FTSJ3: variants seen among roughly 807,000 people sequenced by gnomAD.
The protein encoded by FTSJ3 is pre-rRNA 2'-O-ribose RNA methyltransferase FTSJ3.
A neutral mutation model predicts 111.5 loss-of-function variants in FTSJ3; 46 were observed. That is an observed-to-expected ratio of 0.41 (90% CI 0.33 to 0.53). The LOEUF (loss-of-function observed/expected upper bound fraction) is 0.53, where lower values mean the gene tolerates loss of function less well. Ranked by LOEUF, FTSJ3 falls within the 20% of genes least tolerant of loss-of-function variation. The probability of loss-of-function intolerance (pLI) is 0.19; values close to 1 mark genes in which losing one functional copy is unlikely to be tolerated. For synonymous variants in FTSJ3, 408 were observed against 383.0 expected (o/e 1.07, Z -0.76); for missense variants, 1,075 against 1,063.8 (o/e 1.01, Z -0.15).
chr17:63,827,622 G>A lies in FTSJ3; in HGVS notation c.-597C>T. ...CAGGAGCGTCGGGTGGGTCGGAGGT[G>A]CCTGGACCAGTCCATGCTGGACGCT... On this transcript the variant is annotated 5_prime_UTR_variant, in exon 1 of 21. Transcript: ENST00000427159. 3 of 1,546,082 alleles carry A rather than the reference G, an allele frequency of 1.9e-6. No individual in the cohort carries two copies. The highest frequency in any genetic ancestry group is 2.6e-6 in the Non-Finnish European group (3 of 1,144,596).
chr17:63,823,961 G>A lies in FTSJ3; in HGVS notation c.1155-9C>T. 1 of 1,614,158 alleles carries A rather than the reference G, an allele frequency of 6.2e-7. No homozygotes were observed. The highest frequency in any genetic ancestry group is 2.2e-5 in the East Asian group (1 of 44,886). On this transcript the variant is annotated splice_polypyrimidine_tract_variant and intron_variant, in intron 12 of 20. Transcript: ENST00000427159. ...ACAGCTTCTTTTTCTTCCTGAGGGGGTGGATTGAGGGAGTAAAACCGGCCC... is the reference window on the plus strand; with the variant it reads ...ACAGCTTCTTTTTCTTCCTGAGGGGATGGATTGAGGGAGTAAAACCGGCCC...
In FTSJ3 at chr17:63,827,506, C is replaced by G. The variant is rs926239770; in HGVS notation, c.-481G>C. 6 of 1,551,642 alleles carry G rather than the reference C, an allele frequency of 3.9e-6. No homozygotes were observed. The African/African-American group carries it at 6.8e-5, about 18-fold the overall frequency. On this transcript the variant is annotated 5_prime_UTR_variant, in exon 1 of 21. Coordinates refer to ENST00000427159, the MANE Select transcript of FTSJ3 (RefSeq NM_017647.4). ...AAGAGAGAAGATGGCGCTTGACGGA[C>G]CAGAGCAGGTATGGCGGGTGCAGTG...
At position 63,826,842 on chromosome 17, in the gene FTSJ3, C is replaced by A; in HGVS notation, c.61G>T (p.Glu21Ter). ...RRDKFYHLAKETGYRSRSAFK... is the reference protein window; with the variant it reads ...RRDKFYHLAK ...TGAGCGAATCCGGACTCACCCGTCT[C>A]CTTCGCCAAGTGATAAAACTTGTCT... is the stretch of plus-strand genomic sequence containing the variant. Residue 21 changes from glutamate to a stop codon, truncating the protein, a stop_gained, in exon 2 of 21, where the codon GAG becomes TAG. Transcript: ENST00000427159. LOFTEE classifies it high-confidence loss of function. 6.2e-7 allele frequency: 1 copy of A among 1,614,132 alleles called. No homozygotes were observed. The highest frequency in any genetic ancestry group is 1.1e-5 in the South Asian group (1 of 91,086).
At chr17:63,822,501 C>T (rs1416928901) in intron 13 of FTSJ3, among the ~76,000 whole-genome samples, 1 of 152,158 alleles carries the variant, frequency 6.6e-6, no homozygotes, top group Non-Finnish European at 1.5e-5. Context: ...TCTCAGACAG[C>T]ATCTCAATCA....
rs779716903 is a variant in FTSJ3, at chr17:63,820,868, C to T, written c.2043G>A (p.Lys681=). 6.2e-7 allele frequency: 1 copy of T among 1,614,064 alleles called. No individual in the cohort carries two copies. Among genetic ancestry groups the T allele is most frequent in the Non-Finnish European group, 8.5e-7 (1 of 1,179,928 alleles). ...GAVIASSKKA[K]RDLIDNSFNR... is the part of the protein sequence containing the mutation. Reference sequence around the variant, plus strand: ...TGAAGGAGTTATCTATGAGGTCTCTCTTGGCCTTTTTGGAAGAGGCAATAA... The same window carrying T: ...TGAAGGAGTTATCTATGAGGTCTCTTTTGGCCTTTTTGGAAGAGGCAATAA... The change falls in exon 18 of 21, where the codon AAG becomes AAA. Residue 681 remains lysine, a synonymous_variant. Transcript: ENST00000427159.
chr17:63,825,531 T>C lies in FTSJ3; in HGVS notation c.400+5A>G. 4 of 1,613,754 alleles carry C rather than the reference T, an allele frequency of 2.5e-6. No individual in the cohort carries two copies. The highest frequency in any genetic ancestry group is 3.4e-6 in the Non-Finnish European group (4 of 1,179,620). On this transcript the variant is annotated splice_donor_5th_base_variant and intron_variant, in intron 6 of 20. Transcript: ENST00000427159. ...CCTGATCTCCAAGCACCACACTCCC[T>C]GTACCTTGTGAGTAAGCATCATGGA...
At chr17:63,824,509 A>G (rs2040079829) in intron 10 of FTSJ3, 98 bp from the exon 11 acceptor site, 12 of 1,481,088 alleles carry the variant, frequency 8.1e-6, no homozygotes, top group South Asian at 7.9e-5. Context: ...CTTCGGCTAC[A>G]TAAATCAAAA....
At position 63,820,881 on chromosome 17, in the gene FTSJ3, G is replaced by A; in HGVS notation, c.2030C>T (p.Ser677Phe). Residue 677 changes from serine (S) to phenylalanine (F), a missense_variant, in exon 18 of 21, where the codon TCC (serine) becomes TTC (phenylalanine). By Grantham distance (155) the Ser-to-Phe change is radical (BLOSUM62 -2). Transcript: ENST00000427159. ...GLALGAVIAS[S>F]KKAKRDLIDN... The stretch of plus-strand genomic sequence containing the variant: ...TATGAGGTCTCTCTTGGCCTTTTTG[G>A]AAGAGGCAATAACAGCACCTAGAGC... 1.2e-6 allele frequency: 2 copies of A among 1,614,100 alleles called. No homozygotes were observed. Among genetic ancestry groups the A allele is most frequent in the Non-Finnish European group, 1.7e-6 (2 of 1,179,986 alleles).
intron 16 of FTSJ3, 50 bp from the exon 17 acceptor site, chr17:63,821,165 G>C (rs750892234): frequency 6.3e-7 from 1 of 1,592,870 alleles, no homozygotes; most frequent in Non-Finnish European, 8.6e-7. Flanking sequence ...GTACTACTCA[G>C]ACCGCACTCC....
chr17:63,827,093 G>A lies in FTSJ3; in HGVS notation c.-68C>T, dbSNP rs1322882093. The A allele has an allele frequency of 5.3e-6, 3 of 564,340 alleles. No homozygotes were observed. The highest frequency in any genetic ancestry group is 8.0e-5 in the African/African-American group (2 of 24,952). 35.0% of individuals were successfully genotyped at this position (564,340 alleles called of 1,614,324 possible). A position where few individuals can be genotyped will look rare whatever the true frequency, so the allele number is the denominator to read the frequency against. On this transcript the variant is annotated 5_prime_UTR_variant, in exon 1 of 21. Transcript: ENST00000427159. ...TTTCTCCACACTTGGAACCGCACAA[G>A]TATGCAGCTAACTACTTCCGCTTCC...
chr17:63,824,407 G>T lies in FTSJ3; in HGVS notation c.922C>A (p.Leu308Ile), dbSNP rs148240439. The change falls in exon 11 of 21, where the codon CTA becomes ATA. Residue 308 changes from leucine to isoleucine, a missense_variant. Physicochemically the swap from Leu to Ile is conservative, Grantham distance 5. Around this residue, in one of 2 missense-constraint regions of FTSJ3, gnomAD observed 867 missense variants for 796.9 expected, o/e 1.09. Coordinates refer to ENST00000427159, the MANE Select transcript of FTSJ3 (RefSeq NM_017647.4). ...RVLGRKELRS[L>I]LNWRTKLRRY... ...CGAAGTTTTGTTCTCCAGTTTAGTA[G>T]CGACCTGCCCCAGAGATACTATTAC... 18 of 1,613,866 alleles carry T rather than the reference G, an allele frequency of 1.1e-5. No individual in the cohort carries two copies. The highest frequency in any genetic ancestry group is 1.4e-5 in the Non-Finnish European group (17 of 1,179,966).
intron 13 of FTSJ3, among the ~76,000 whole-genome samples, chr17:63,822,816 TTGAG>T (rs2040063557): frequency 6.9e-6 from 1 of 144,184 alleles, no homozygotes; most frequent in African/African-American, 2.5e-5. Context: ...CTACTATTTC[TTGAG>T]TGTTTATCAC....
chr17:63,826,038 G>A lies in FTSJ3; in HGVS notation c.300+18C>T, dbSNP rs762480164. 4 of 1,578,662 alleles carry A rather than the reference G, an allele frequency of 2.5e-6. No individual in the cohort carries two copies. The highest frequency in any genetic ancestry group is 3.5e-6 in the Non-Finnish European group (4 of 1,151,874). On this transcript the variant is annotated intron_variant, in intron 5 of 20. Coordinates refer to ENST00000427159, the MANE Select transcript of FTSJ3 (RefSeq NM_017647.4). ...TGTTTCCGTATAAAGGGGGAAGGAA[G>A]AGAGAGACTCCTATTACCTGCCTAC...
intron 7 of FTSJ3, 34 bp downstream of exon 7, chr17:63,825,208 G>C (rs1164413642): frequency 6.2e-7 from 1 of 1,613,818 alleles, no homozygotes; most frequent in South Asian, 1.1e-5. Context: ...TGGGAGTTGG[G>C]AGCCTGGATC....
Position 63,821,466 on chromosome 17 carries a change from G to C in FTSJ3, c.1774C>G (p.Pro592Ala), listed in dbSNP as rs1423070941. Residue 592 changes from proline (P) to alanine (A), a missense_variant, in exon 16 of 21, where the codon CCT (proline) becomes GCT (alanine). Transcript: ENST00000427159. ...IMSPLYQDEA[P>A]KGTEASSGTE... ...CCCGAAGAAGCCTCTGTTCCCTTAG[G>C]GGCTTCATCTTGGTACAGGGGAGAC... 1 of 1,614,142 alleles carries C rather than the reference G, an allele frequency of 6.2e-7. No homozygotes were observed. Among genetic ancestry groups the C allele is most frequent in the Admixed American group, 1.7e-5 (1 of 60,018 alleles).
intron 13 of FTSJ3, among the ~76,000 whole-genome samples, chr17:63,823,014 C>T (rs1318203793): frequency 1.3e-5 from 2 of 152,154 alleles, no homozygotes; most frequent in African/African-American, 4.8e-5. Flanking sequence ...TGCTCTAGGG[C>T]CACCATGCTC....
rs751808023 is a variant in FTSJ3, at chr17:63,819,789, C to G, written c.*13G>C. ...CTAGTCCCCATGCTCTCCTGGGAGC[C>G]TGGCAGCTCTGCTTACTTCCGTTTG... On this transcript the variant is annotated 3_prime_UTR_variant, in exon 21 of 21. Transcript: ENST00000427159. 3 of 1,604,168 alleles carry G rather than the reference C, an allele frequency of 1.9e-6. No homozygotes were observed. The African/African-American group carries it at 4.0e-5, about 22-fold the overall frequency.
rs1334343547 is a variant in FTSJ3 at position 63,822,169 on chromosome 17, CTG to C, written c.1291-3_1291-2del. 1.2e-6 allele frequency: 2 copies of C among 1,612,550 alleles called. No individual in the cohort carries two copies. Among genetic ancestry groups the C allele is most frequent in the Non-Finnish European group, 1.7e-6 (2 of 1,179,196 alleles). On this transcript the variant is annotated splice_acceptor_variant and splice_polypyrimidine_tract_variant and intron_variant, in intron 13 of 20. Transcript: ENST00000427159. LOFTEE classifies it high-confidence loss of function. Reference sequence around the variant, plus strand: ...CCCCTTGTGTTACTTCCTCTAATAACTGAAGTGTAACAGAAACAAAGGTAAAC... The same window carrying C: ...CCCCTTGTGTTACTTCCTCTAATAACAAGTGTAACAGAAACAAAGGTAAAC...
chr17:63,826,290 G>A lies in FTSJ3; in HGVS notation c.188C>T (p.Ala63Val), dbSNP rs755870718. Residue 63 changes from alanine to valine, a missense_variant, in exon 4 of 21, where the codon GCC (alanine) becomes GTC (valine). By Grantham distance (64) the Ala-to-Val change is moderately conservative. Around this residue, in one of 2 missense-constraint regions of FTSJ3, gnomAD observed 208 missense variants for 266.9 expected, o/e 0.78. Coordinates refer to ENST00000427159, the MANE Select transcript of FTSJ3 (RefSeq NM_017647.4). ...AAPGGWLQVA[A>V]KFMPVSSLIV... ...AAGGCTGGATACAGGCATAAACTTG[G>A]CAGCTACCTGCAGCCTATAAAAGGA... 2 of 1,614,166 alleles carry A rather than the reference G, an allele frequency of 1.2e-6. No homozygotes were observed. The highest frequency in any genetic ancestry group is 2.2e-5 in the East Asian group (1 of 44,890).
Sources: allele counts gnomAD v4.1 joint callset (sites outside exome capture counted in the v4.1 genomes callset), GRCh38; gene constraint gnomAD v4.1.1; regional missense constraint gnomAD v4.1.1; transcripts MANE v1.5; gene names NCBI Gene and HGNC (gene_info 2026-07-23, HGNC 2026-07-21).